Variants in PMS2 observed in about 807,000 individuals in gnomAD.
PMS2 encodes mismatch repair endonuclease PMS2.
Under a neutral mutation model 90.0 loss-of-function variants are expected in PMS2, and 69 were observed. That is an observed-to-expected ratio of 0.77 (90% CI 0.63 to 0.94). The LOEUF (loss-of-function observed/expected upper bound fraction) is 0.94. PMS2 is among the 40% of genes least tolerant of loss of function. The pLI is 0.00. For missense variants in PMS2, 966 were observed against 1,040.2 expected (o/e 0.93, Z 0.98); for synonymous variants, 332 against 375.1 (o/e 0.89, Z 1.33).
chr7:5,987,662 G>A (rs1217021461), intron 10 of PMS2, 42 bp from the exon 11 acceptor site: 1 of 1,226,302 alleles, frequency 8.2e-7, no homozygotes, highest in South Asian at 1.2e-5. Flanking sequence ...GGACTATCCT[G>A]AAATGGTGAG....
Position 5,987,377 on chromosome 7 carries a change from G to C in PMS2, c.1388C>G (p.Ser463Cys), listed in dbSNP as rs2128731780. 6.2e-7 allele frequency: 1 copy of C among 1,614,222 alleles called. No homozygotes were observed. ...MLSSSTSGAI[S>C]DKGVLRPQKE... ...CTGAGGTCTCAGGACGCCTTTGTCAGAGATGGCACCTGAAGTGCTAGAAGA... is the reference window on the plus strand; with the variant it reads ...CTGAGGTCTCAGGACGCCTTTGTCACAGATGGCACCTGAAGTGCTAGAAGA... Residue 463 changes from serine to cysteine, a missense_variant, in exon 11 of 15, where the codon TCT (serine) becomes TGT (cysteine). Coordinates refer to ENST00000265849, the MANE Select transcript of PMS2 (RefSeq NM_000535.7).
chr7:5,985,982 C>T (rs1408306123), intron 11 of PMS2, among the ~76,000 whole-genome samples: 51 of 122,128 alleles, frequency 4.2e-4, no homozygotes, highest in Non-Finnish European at 8.2e-4. Context: ...GAACTCCTGC[C>T]GCACAGGAGG....
chr7:5,995,673 G>T, intron 7 of PMS2, 40 bp from the exon 8 acceptor site: 1 of 1,339,350 alleles, frequency 7.5e-7, no homozygotes, highest in Non-Finnish European at 1.1e-6. Context: ...ATTCCAGAGT[G>T]AAAGGGATTA....
chr7:5,995,735 G>T, intron 7 of PMS2, 102 bp from the exon 8 acceptor site: 1 of 828,730 alleles, frequency 1.2e-6, no homozygotes, highest in East Asian at 2.5e-5. Context: ...CAAAACACCA[G>T]GTGACATGCT....
At chr7:5,983,528 A>T (rs1583301988) in intron 11 of PMS2, among the ~76,000 whole-genome samples, 1 of 151,990 alleles carries the variant, frequency 6.6e-6, no homozygotes, top group East Asian at 1.9e-4. Context: ...CCTTGTCTCC[A>T]TATATAATTT....
chr7:6,008,293 C>T (rs1328970206), intron 1 of PMS2, among the ~76,000 whole-genome samples: 5 of 152,096 alleles, frequency 3.3e-5, no homozygotes, highest in African/African-American at 1.2e-4. Context: ...TTTGCGTTTA[C>T]AAATCTGACA....
chr7:5,986,647 A>C, intron 11 of PMS2, 112 bp downstream of exon 11: 2 of 804,804 alleles, frequency 2.5e-6, no homozygotes, highest in Non-Finnish European at 3.8e-6. Flanking sequence ...AGCCAAGATC[A>C]TGCCACTGCA....
In PMS2 at chr7:5,995,556, C is replaced by A. The variant is rs373239341; in HGVS notation, c.881G>T (p.Arg294Leu). 6.2e-7 allele frequency: 1 copy of A among 1,613,626 alleles called. No individual in the cohort carries two copies. The highest frequency in any genetic ancestry group is 1.1e-5 in the South Asian group (1 of 91,066). ...TACCTTTGCTGGGTCACAAGGCCGC[C>A]GGTTGATAAAGAAAAACTGTCTGTC... ...STDRQFFFIN[R>L]RPCDPAKVCR... The change falls in exon 8 of 15, where the codon CGG becomes CTG. Residue 294 changes from arginine (R) to leucine (L), a missense_variant. By Grantham distance (102) the Arg-to-Leu change is moderately radical (BLOSUM62 -2). Transcript: ENST00000265849.
rs63750123 is a variant in PMS2 at position 6,006,003 on chromosome 7, T to C, written c.52A>G (p.Ile18Val). ...ATCTGATGGACTGACTTCCGATCAATAGGTTTGATGGCCTTAGCAGGTTCT... is the reference window on the plus strand; with the variant it reads ...ATCTGATGGACTGACTTCCGATCAACAGGTTTGATGGCCTTAGCAGGTTCT... ...STEPAKAIKPIDRKSVHQICS... is the reference protein window; with the variant it reads ...STEPAKAIKPVDRKSVHQICS... The change falls in exon 2 of 15, where the codon ATT (isoleucine) becomes GTT (valine). Residue 18 changes from isoleucine (I) to valine (V), a missense_variant. Ile to Val is a conservative substitution (Grantham distance 29). This residue lies in a region of PMS2 where 871 missense variants were observed against 802.4 expected (regional missense o/e 1.09). Coordinates refer to ENST00000265849, the MANE Select transcript of PMS2 (RefSeq NM_000535.7). 0.011 allele frequency: 17,667 copies of C among 1,610,660 alleles called. 132 individuals carry two copies. Among genetic ancestry groups the C allele is most frequent in the Non-Finnish European group, 0.012 (14,342 of 1,179,692 alleles).
intron 7 of PMS2, among the ~76,000 whole-genome samples, chr7:5,996,679 G>T (rs977600986): frequency 6.7e-6 from 1 of 148,674 alleles, no homozygotes; most frequent in Non-Finnish European, 1.5e-5. Context: ...TTTCTTATAC[G>T]AAAAGTAATG....
At chr7:5,983,086 C>A in intron 11 of PMS2, 95 bp from the exon 12 acceptor site, 4 of 1,538,228 alleles carry the variant, frequency 2.6e-6, no homozygotes, top group Non-Finnish European at 3.5e-6. Flanking sequence ...TCAAACAATA[C>A]AAAAACAAAA....
Position 6,006,206 on chromosome 7 carries a change from C to A in PMS2, c.24-175G>T. 3 of 745,234 alleles carry A rather than the reference C, an allele frequency of 4.0e-6. No individual in the cohort carries two copies. In the South Asian group the frequency reaches 5.1e-5, roughly 13 times the overall value. The allele number at this position is 745,234 out of a possible 1,614,324, so 46.2% of individuals were successfully genotyped here. ...GAAATAGAAACACTGTTTTACAATC[C>A]TTAAACATGTACCCAAAATACTTCT... On this transcript the variant is annotated intron_variant, in intron 1 of 14. Coordinates refer to ENST00000265849, the MANE Select transcript of PMS2 (RefSeq NM_000535.7).
Position 6,006,034 on chromosome 7 carries a change from A to T in PMS2, c.24-3T>A. Reference sequence around the variant, plus strand: ...TGATGGCCTTAGCAGGTTCTGTACTAGAGAAATCAGTTACAAGAAACAAAT... The same window carrying T: ...TGATGGCCTTAGCAGGTTCTGTACTTGAGAAATCAGTTACAAGAAACAAAT... On this transcript the variant is annotated splice_region_variant and splice_polypyrimidine_tract_variant and intron_variant, in intron 1 of 14. Transcript: ENST00000265849. 1 of 1,610,628 alleles carries T rather than the reference A, an allele frequency of 6.2e-7. No homozygotes were observed.
chr7:5,989,456 A>T (rs1421068884), intron 10 of PMS2, among the ~76,000 whole-genome samples: 2 of 152,050 alleles, frequency 1.3e-5, no homozygotes, highest in Admixed American at 1.3e-4. Flanking sequence ...ATGACAAGGG[A>T]GTTAAAAATG....
chr7:6,002,002 TAAAAATA>T (rs1554303671), intron 5 of PMS2: 1 of 151,144 alleles, frequency 6.6e-6, no homozygotes, highest in Admixed American at 6.6e-5. Flanking sequence ...CAAAAAAAGA[TAAAAATA>T]AAAAATAAAA....
rs1273167619 is a variant in PMS2, at chr7:5,987,349, T to C, written c.1416A>G (p.Lys472=). Reference sequence around the variant, plus strand: ...GTCCGTGACTGGAACTCACTGCCTCTTTCTGAGGTCTCAGGACGCCTTTGT... The same window carrying C: ...GTCCGTGACTGGAACTCACTGCCTCCTTCTGAGGTCTCAGGACGCCTTTGT... ...ISDKGVLRPQ[K]EAVSSSHGPS... is the part of the protein sequence containing the mutation. The change falls in exon 11 of 15, where the codon AAA becomes AAG. Residue 472 remains lysine, a synonymous_variant. Transcript: ENST00000265849. 6.2e-7 allele frequency: 1 copy of C among 1,614,062 alleles called. No homozygotes were observed. Among genetic ancestry groups the C allele is most frequent in the African/African-American group, 1.3e-5 (1 of 74,924 alleles).
Position 5,992,028 on chromosome 7 carries a change from G to A in PMS2, c.933C>T (p.His311=), listed in dbSNP as rs1057521069. 2 of 1,598,382 alleles carry A rather than the reference G, an allele frequency of 1.3e-6. No homozygotes were observed. The highest frequency in any genetic ancestry group is 1.7e-6 in the Non-Finnish European group (2 of 1,165,766). ...ATGGATACTGGTGTCGATTATACAT[G>A]TGGTAGACCTCATTCACGAGTCTGC... ...KVCRLVNEVY[H]MYNRHQYPFV... is the part of the protein sequence containing the mutation. Residue 311 remains histidine (H), a synonymous_variant, in exon 9 of 15, where the codon CAC becomes CAT. Coordinates refer to ENST00000265849, the MANE Select transcript of PMS2 (RefSeq NM_000535.7).
At chr7:5,976,946 G>A (rs1436115751) in intron 14 of PMS2, among the ~76,000 whole-genome samples, 11 of 126,086 alleles carry the variant, frequency 8.7e-5, no homozygotes, top group African/African-American at 2.8e-4. Flanking sequence ...GAGGAGGATC[G>A]CTTCAGCCTG....
intron 10 of PMS2, among the ~76,000 whole-genome samples, chr7:5,987,837 A>G (rs946366362): frequency 1.9e-4 from 29 of 152,106 alleles, no homozygotes; most frequent in African/African-American, 6.0e-4. Context: ...GGGGGATCAC[A>G]TGAGGCTAGG....
Sources: gnomAD v4.1 joint callset for allele counts (sites outside exome capture counted in the v4.1 genomes callset) on GRCh38, gnomAD v4.1.1 for gene constraint, gnomAD v4.1.1 regional missense constraint, MANE v1.5 for transcripts, NCBI Gene and HGNC (gene_info 2026-07-23, HGNC 2026-07-21) for gene names.